The following MYRF variants were observed in gnomAD, a reference collection of about 807,000 sequenced individuals.
MYRF encodes the protein myelin gene regulatory factor.
MYRF carries 16 observed loss-of-function variants against 126.3 expected under a neutral mutation model. The ratio of observed to expected loss-of-function variants is 0.13; its 90% CI spans 0.09 to 0.19. MYRF has a LOEUF of 0.19. Ranked by LOEUF, MYRF falls within the 10% of genes least tolerant of loss-of-function variation. The pLI is 1.00. For synonymous variants in MYRF, 608 were observed against 635.3 expected, an observed-to-expected ratio of 0.96 and a Z score of 0.65; for missense variants, 1,104 against 1,547.0, an observed-to-expected ratio of 0.71 and a Z score of 4.80.
chr11:61,774,017 T>C lies in MYRF; in HGVS notation c.1166T>C (p.Val389Ala). ...VDADKGFNFS[V>A]GDDAFVCQKK... The stretch of plus-strand genomic sequence containing the variant: ...GCGGACAAGGGCTTCAACTTTTCGG[T>C]GGGCGACGACGCCTTTGTGTGCCAG... Residue 389 changes from valine (V) to alanine (A), a missense_variant, in exon 8 of 27, where the codon GTG (valine) becomes GCG (alanine). Around this residue, in one of 10 missense-constraint regions of MYRF, gnomAD observed 87 missense variants for 129.2 expected, o/e 0.67. Coordinates refer to ENST00000278836, the MANE Select transcript of MYRF (RefSeq NM_001127392.3). 3.1e-6 allele frequency: 5 copies of C among 1,611,958 alleles called. No homozygotes were observed. In the African/African-American group the frequency reaches 5.3e-5, roughly 17 times the overall value.
rs764304420 is a variant in MYRF, at chr11:61,765,720, G to T, written c.134+8G>T. 4 of 1,608,380 alleles carry T rather than the reference G, an allele frequency of 2.5e-6. No homozygotes were observed. The highest frequency in any genetic ancestry group is 3.4e-6 in the Non-Finnish European group (4 of 1,177,746). ...GGAGGATGCCTCCGACCTGTGAGTG[G>T]CCCCCTCGCCCGGCCTGCACCCGCC... On this transcript the variant is annotated splice_region_variant and intron_variant, in intron 2 of 26. Coordinates refer to ENST00000278836, the MANE Select transcript of MYRF (RefSeq NM_001127392.3).
chr11:61,768,253 G>A (rs2066118423), intron 3 of MYRF, among the ~76,000 whole-genome samples: 1 of 152,316 alleles, frequency 6.6e-6, no homozygotes, highest in Admixed American at 6.5e-5. Flanking sequence ...AGGAACTTAA[G>A]AGGAGAGAAC....
intron 3 of MYRF, chr11:61,767,333 G>A (rs549170901): frequency 7.4e-5 from 34 of 456,668 alleles, no homozygotes; most frequent in Middle Eastern, 6.5e-4. Flanking sequence ...CTATGATTGC[G>A]TGAGCTCATC....
intron 2 of MYRF, 83 bp from the exon 3 acceptor site, chr11:61,765,875 T>C: frequency 4.1e-6 from 6 of 1,453,142 alleles, no homozygotes; most frequent in Admixed American, 2.4e-5. Context: ...GAAATCTCCA[T>C]AGTTCCCTGC....
intron 1 of MYRF, among the ~76,000 whole-genome samples, chr11:61,761,810 A>G (rs1441092318): frequency 6.6e-6 from 1 of 152,274 alleles, no homozygotes; most frequent in Admixed American, 6.5e-5. Flanking sequence ...AAAATGAAGA[A>G]AAAGAAAATC....
chr11:61,776,999 G>T lies in MYRF; in HGVS notation c.1590+122G>T. ...ATGCTCATCCTGCTAGGCACTGGCTGTGTGGCCTTGGGCAAAGCTCCCACC... is the reference window on the plus strand; with the variant it reads ...ATGCTCATCCTGCTAGGCACTGGCTTTGTGGCCTTGGGCAAAGCTCCCACC... On this transcript the variant is annotated intron_variant, in intron 11 of 26. Transcript: ENST00000278836. The surrounding 1 kb of genome is among the most constrained non-coding windows in gnomAD (Gnocchi z 4.3). The T allele has an allele frequency of 1.1e-6, 1 of 944,336 alleles. No individual in the cohort carries two copies. The highest frequency in any genetic ancestry group is 1.6e-5 in the South Asian group (1 of 61,174). 58.5% of individuals were successfully genotyped at this position (944,336 alleles called of 1,614,324 possible). A position where few individuals can be genotyped will look rare whatever the true frequency, so the allele number is the denominator to read the frequency against.
rs769710350 is a variant in MYRF at position 61,777,419 on chromosome 11, G to A, written c.1746G>A (p.Ser582=). 2 of 1,613,712 alleles carry A rather than the reference G, an allele frequency of 1.2e-6. No homozygotes were observed. Among genetic ancestry groups the A allele is most frequent in the Admixed American group, 1.7e-5 (1 of 60,006 alleles). Residue 582 remains serine (S), a synonymous_variant, in exon 12 of 27, where the codon TCG becomes TCA. Coordinates refer to ENST00000278836, the MANE Select transcript of MYRF (RefSeq NM_001127392.3). This position sits in a 1 kb window ranked among gnomAD's most constrained non-coding sequence, Gnocchi z 8.8. ...ACGGGAATGTCAAGGTCATGGGCTC[G>A]CTTATGCACCCCTCCGACCTGCGCG... ...VVHGNVKVMG[S]LMHPSDLRAK...
At chr11:61,768,954 C>G (rs1243195444) in intron 3 of MYRF, among the ~76,000 whole-genome samples, 1 of 152,084 alleles carries the variant, frequency 6.6e-6, no homozygotes, top group Non-Finnish European at 1.5e-5. Flanking sequence ...GAAGTCCTGG[C>G]CTTCGGTCTG....
Position 61,778,460 on chromosome 11 carries a change from A to T in MYRF, c.1984A>T (p.Thr662Ser). 1 of 1,613,946 alleles carries T rather than the reference A, an allele frequency of 6.2e-7. No homozygotes were observed. Among genetic ancestry groups the T allele is most frequent in the South Asian group, 1.1e-5 (1 of 91,070 alleles). Residue 662 changes from threonine to serine, a missense_variant, in exon 14 of 27, where the codon ACC (threonine) becomes TCC (serine). By Grantham distance (58) the Thr-to-Ser change is moderately conservative. Coordinates refer to ENST00000278836, the MANE Select transcript of MYRF (RefSeq NM_001127392.3). The surrounding 1 kb of genome is among the most constrained non-coding windows in gnomAD (Gnocchi z 4.6). ...AGACATGGTCTTTGCCAATGGGAAAACCATAGAGAACTTCCTGGTGGTGAA... is the reference window on the plus strand; with the variant it reads ...AGACATGGTCTTTGCCAATGGGAAATCCATAGAGAACTTCCTGGTGGTGAA... Reference protein sequence around the residue: ...TGDMVFANGKTIENFLVVNKE... With the variant: ...TGDMVFANGKSIENFLVVNKE...
intron 16 of MYRF, 110 bp from the exon 17 acceptor site, chr11:61,779,732 C>A: frequency 8.2e-7 from 1 of 1,224,682 alleles, no homozygotes; most frequent in Non-Finnish European, 1.1e-6. Flanking sequence ...CCTTTGCCCC[C>A]GGGGAAATGG....
intron 8 of MYRF, among the ~76,000 whole-genome samples, chr11:61,774,563 G>A (rs925033023): frequency 2.7e-5 from 4 of 149,152 alleles, no homozygotes; most frequent in African/African-American, 2.5e-5. Flanking sequence ...ATCTGTGTGC[G>A]TGTGTGTGTG....
intron 1 of MYRF, chr11:61,755,508 T>C (rs2065726780): frequency 2.5e-6 from 4 of 1,571,806 alleles, no homozygotes; most frequent in African/African-American, 1.4e-5. Flanking sequence ...GACAGGGCAG[T>C]GTCTGAGAAT....
At chr11:61,782,039 T>A (rs1233846786) in intron 22 of MYRF, 2 of 529,694 alleles carry the variant, frequency 3.8e-6, no homozygotes, top group African/African-American at 1.9e-5. Context: ...GAATTGTTGT[T>A]CCTATTGTTC....
chr11:61,777,925 G>T lies in MYRF; in HGVS notation c.1903+80G>T. On this transcript the variant is annotated intron_variant, in intron 13 of 26. Transcript: ENST00000278836. The surrounding 1 kb of genome is among the most constrained non-coding windows in gnomAD (Gnocchi z 8.8). The stretch of plus-strand genomic sequence containing the variant: ...CAGTGACCTTGCCCCCTGTCACCTG[G>T]AAATCCTACTCCTCTTGACTCCCGG... 2.7e-6 allele frequency: 3 copies of T among 1,113,326 alleles called. No homozygotes were observed. The highest frequency in any genetic ancestry group is 4.0e-6 in the Non-Finnish European group (3 of 758,626). 69.0% of individuals were successfully genotyped at this position (1,113,326 alleles called of 1,614,324 possible). A position where few individuals can be genotyped will look rare whatever the true frequency, so the allele number is the denominator to read the frequency against.
intron 24 of MYRF, 88 bp downstream of exon 24, chr11:61,784,013 G>A (rs2135895724): frequency 1.4e-6 from 2 of 1,431,948 alleles, no homozygotes; most frequent in Middle Eastern, 1.8e-4. Flanking sequence ...TCTGAGGACA[G>A]CCGGAGAGTC....
At chr11:61,779,215 TG>T (rs1174352125) in intron 14 of MYRF, 47 bp from the exon 15 acceptor site, 6 of 1,513,716 alleles carry the variant, frequency 4.0e-6, no homozygotes, top group Non-Finnish European at 5.3e-6. Context: ...CGGGGCTGAC[TG>T]GGCCCTCTGT....
chr11:61,774,288 T>G, intron 8 of MYRF, 126 bp downstream of exon 8: 2 of 839,984 alleles, frequency 2.4e-6, no homozygotes, highest in Non-Finnish European at 1.8e-6. Flanking sequence ...ACTTTGGGAG[T>G]CAGGCAGATC....
At chr11:61,768,042 T>G in intron 3 of MYRF, among the ~76,000 whole-genome samples, 1 of 146,818 alleles carries the variant, frequency 6.8e-6, no homozygotes, top group East Asian at 2.0e-4. Context: ...CGTTTGAACC[T>G]GGGAGGTGGA....
At chr11:61,765,933 G>T in intron 2 of MYRF, 25 bp from the exon 3 acceptor site, 1 of 1,479,962 alleles carries the variant, frequency 6.8e-7, no homozygotes, top group Admixed American at 2.4e-5. Flanking sequence ...CCTGGCTGGA[G>T]CTGAGCCGCC....
Sources: gnomAD v4.1 joint callset for allele counts (sites outside exome capture counted in the v4.1 genomes callset) on GRCh38, gnomAD v4.1.1 for gene constraint, gnomAD v4.1.1 regional missense constraint, Gnocchi (gnomAD v3.1) non-coding constraint, MANE v1.5 for transcripts, NCBI Gene and HGNC (gene_info 2026-07-23, HGNC 2026-07-21) for gene names.